Variants in ABLIM1 observed in about 807,000 individuals in gnomAD.
ABLIM1 encodes the protein actin binding LIM protein 1.
Under a neutral mutation model 107.0 loss-of-function variants are expected in ABLIM1, and 40 were observed. The ratio of observed to expected loss-of-function variants is 0.37; its 90% CI spans 0.29 to 0.49. The LOEUF (loss-of-function observed/expected upper bound fraction) is 0.49, where lower values mean the gene tolerates loss of function less well. Among genes scored for constraint, ABLIM1 ranks in the 20% least tolerant of loss-of-function variants. The pLI, the probability that ABLIM1 is intolerant of heterozygous loss-of-function variation, is 0.97. For missense variants in ABLIM1, 857 were observed against 1,008.5 expected, an observed-to-expected ratio of 0.85 and a Z score of 2.04; for synonymous variants, 357 against 357.3, an observed-to-expected ratio of 1.00 and a Z score of 0.01.
chr10:114,520,500 G>T (rs980370949), intron 6 of ABLIM1, among the ~76,000 whole-genome samples: 1 of 152,050 alleles, frequency 6.6e-6, no homozygotes, highest in South Asian at 2.1e-4. Flanking sequence ...CATCGTGGGA[G>T]CTAAAAAAAG....
chr10:114,557,567 A>G (rs904263341), intron 4 of ABLIM1, among the ~76,000 whole-genome samples: 1 of 151,524 alleles, frequency 6.6e-6, no homozygotes, highest in African/African-American at 2.4e-5. Flanking sequence ...AATAGAGGCC[A>G]TTGCACATTT....
chr10:114,785,141 T>G, the ABLIM1 span, among the ~76,000 whole-genome samples: 1 of 152,350 alleles, frequency 6.6e-6, no homozygotes, highest in South Asian at 2.1e-4. Flanking sequence ...ACTTCCATCC[T>G]ATTTTACAGT....
intron 1 of ABLIM1, among the ~76,000 whole-genome samples, chr10:114,610,153 G>C (rs768157125): frequency 1.2e-4 from 19 of 152,326 alleles, no homozygotes; most frequent in Admixed American, 5.2e-4. Flanking sequence ...CGCAGATGAG[G>C]AACAATGCTT....
At chr10:114,514,473 A>G (rs911285079) in intron 6 of ABLIM1, among the ~76,000 whole-genome samples, 1 of 152,086 alleles carries the variant, frequency 6.6e-6, no homozygotes, top group African/African-American at 2.4e-5. Context: ...ACCCGGGCTC[A>G]GTGATCCTCC....
At chr10:114,458,969 C>T (rs10749166) in intron 12 of ABLIM1, among the ~76,000 whole-genome samples, 61,494 of 152,114 alleles carry the variant, frequency 0.4, 12,328 homozygotes, top group South Asian at 0.43. Flanking sequence ...AATAAAAATA[C>T]ACCCAACCAA....
At chr10:114,637,035 TAAA>T (rs3061732) in intron 1 of ABLIM1, among the ~76,000 whole-genome samples, 56 of 104,008 alleles carry the variant, frequency 5.4e-4, no homozygotes, top group African/African-American at 1.5e-3. Context: ...GCTGTCTCTT[TAAA>T]AAAAAAAAAA....
At chr10:114,732,830 T>C (rs1161586298) in intron 1 of ABLIM1, among the ~76,000 whole-genome samples, 4 of 152,206 alleles carry the variant, frequency 2.6e-5, no homozygotes, top group Non-Finnish European at 5.9e-5. Context: ...CATGGAAATA[T>C]CTATGACAAA....
the ABLIM1 span, among the ~76,000 whole-genome samples, chr10:114,796,268 G>A: frequency 4.6e-5 from 7 of 152,276 alleles, no homozygotes; most frequent in African/African-American, 1.7e-4. Flanking sequence ...GGTCCCACAG[G>A]GCTCAGGGAT....
At chr10:114,590,414 T>C (rs953770918) in intron 2 of ABLIM1, among the ~76,000 whole-genome samples, 7 of 152,158 alleles carry the variant, frequency 4.6e-5, no homozygotes, top group African/African-American at 1.7e-4. Flanking sequence ...CACTCTGAGT[T>C]AGGTTCTTCT....
At chr10:114,454,957 A>AT (rs1286883132) in intron 12 of ABLIM1, among the ~76,000 whole-genome samples, 2 of 152,204 alleles carry the variant, frequency 1.3e-5, no homozygotes, top group African/African-American at 4.8e-5. Context: ...AAAGTTTAAA[A>AT]TTTTTGATAA....
chr10:114,587,663 CTG>C (rs1024342523), intron 2 of ABLIM1, among the ~76,000 whole-genome samples: 4 of 152,190 alleles, frequency 2.6e-5, no homozygotes, highest in Non-Finnish European at 5.9e-5. Flanking sequence ...CTAGCCACAC[CTG>C]TGTCCTCACC....
In ABLIM1 at chr10:114,441,646, A is replaced by G. The variant is rs1303772370; in HGVS notation, c.1998+76T>C. On this transcript the variant is annotated intron_variant, in intron 18 of 22. Coordinates refer to ENST00000533213, the MANE Select transcript of ABLIM1 (RefSeq NM_002313.7). Reference sequence around the variant, plus strand: ...CTGAGATCAAGAGTCAGACGTATTCAGGCAATGTGTCAATACTTCAACCAG... The same window carrying G: ...CTGAGATCAAGAGTCAGACGTATTCGGGCAATGTGTCAATACTTCAACCAG... The G allele has an allele frequency of 5.2e-6, 7 of 1,348,466 alleles. No homozygotes were observed. The Admixed American group carries it at 6.8e-5, about 13-fold the overall frequency. 83.5% of individuals were successfully genotyped at this position (1,348,466 alleles called of 1,614,324 possible). A position where few individuals can be genotyped will look rare whatever the true frequency, so the allele number is the denominator to read the frequency against.
At chr10:114,655,247 C>T (rs906010111) in intron 1 of ABLIM1, among the ~76,000 whole-genome samples, 5 of 152,240 alleles carry the variant, frequency 3.3e-5, no homozygotes, top group African/African-American at 9.6e-5. Context: ...ATTTCCTTAT[C>T]TGCCTCCACT....
At position 114,440,818 on chromosome 10, in the gene ABLIM1, A is replaced by G. The variant is rs1446523655; in HGVS notation, c.2059+199T>C. 4.3e-6 allele frequency: 3 copies of G among 691,192 alleles called. No individual in the cohort carries two copies. In the South Asian group the frequency reaches 4.5e-5, roughly 10 times the overall value. 42.8% of individuals were successfully genotyped at this position (691,192 alleles called of 1,614,324 possible). A position where few individuals can be genotyped will look rare whatever the true frequency, so the allele number is the denominator to read the frequency against. On this transcript the variant is annotated intron_variant, in intron 19 of 22. Coordinates refer to ENST00000533213, the MANE Select transcript of ABLIM1 (RefSeq NM_002313.7). ...TATGAGCAATGAATAAATTCTCACA[A>G]ACTCACTTCTTACAGTTTGATTTCA...
intron 4 of ABLIM1, among the ~76,000 whole-genome samples, chr10:114,561,956 C>A (rs1056213419): frequency 2.0e-5 from 3 of 152,142 alleles, no homozygotes; most frequent in African/African-American, 7.2e-5. Context: ...ATGTCTGGGT[C>A]ATAATTGTTA....
At chr10:114,631,983 C>T (rs1256994132) in intron 1 of ABLIM1, 21 of 1,301,062 alleles carry the variant, frequency 1.6e-5, no homozygotes, top group East Asian at 5.6e-5. Flanking sequence ...GGAGTGGAAG[C>T]GCGCCTCGGC....
In ABLIM1 at chr10:114,542,252, A is replaced by C. The variant is rs192100531; in HGVS notation, c.894+2753T>G. On this transcript the variant is annotated intron_variant, in intron 6 of 22. Coordinates refer to ENST00000533213, the MANE Select transcript of ABLIM1 (RefSeq NM_002313.7). ...AGTGAGACTCCCGTTCTTTACAAAA[A>C]ATAACAAAATCAGTTGGGTGTGATG... Among the ~76,000 whole-genome samples, 283 of 152,072 alleles carry C rather than the reference A, an allele frequency of 1.9e-3. 3 individuals carry two copies. The highest frequency in any genetic ancestry group is 5.7e-4 in the Non-Finnish European group (39 of 67,992).
chr10:114,452,030 C>T (rs1006180621), intron 13 of ABLIM1, among the ~76,000 whole-genome samples: 1 of 152,034 alleles, frequency 6.6e-6, no homozygotes, highest in African/African-American at 2.4e-5. Context: ...GGGGAAAATG[C>T]CCAAATTGCT....
At chr10:114,550,036 C>T (rs764638998) in intron 4 of ABLIM1, among the ~76,000 whole-genome samples, 1 of 151,934 alleles carries the variant, frequency 6.6e-6, no homozygotes, top group Admixed American at 6.6e-5. Flanking sequence ...AATTTTTAAA[C>T]CATGATAATG....
Sources: allele counts gnomAD v4.1 joint callset (sites outside exome capture counted in the v4.1 genomes callset), GRCh38; gene constraint gnomAD v4.1.1; transcripts MANE v1.5; gene names NCBI Gene and HGNC (gene_info 2026-07-23, HGNC 2026-07-21).